EYA1: variants seen among roughly 807,000 people sequenced by gnomAD.
The protein encoded by EYA1 is EYA transcriptional coactivator and phosphatase 1.
In EYA1, 16 loss-of-function variants were observed where a neutral mutation model predicts 82.0. That is an observed-to-expected ratio of 0.20 (90% confidence interval 0.13 to 0.30). EYA1 has a LOEUF of 0.30. EYA1 is among the 10% of genes least tolerant of loss of function. The pLI, the probability that EYA1 is intolerant of heterozygous loss-of-function variation, is 1.00. For missense variants in EYA1, 633 were observed against 730.7 expected, an observed-to-expected ratio of 0.87 and a Z score of 1.54; for synonymous variants, 261 against 264.4, an observed-to-expected ratio of 0.99 and a Z score of 0.12.
At chr8:71,419,585 A>G (rs1407486812) in intron 2 of EYA1, among the ~76,000 whole-genome samples, 2 of 152,164 alleles carry the variant, frequency 1.3e-5, no homozygotes, top group East Asian at 3.8e-4. Context: ...CAGATTAGCT[A>G]TGGGTTCAAA....
chr8:71,240,901 C>T (rs1458182609), intron 12 of EYA1, among the ~76,000 whole-genome samples: 2 of 152,134 alleles, frequency 1.3e-5, no homozygotes, highest in African/African-American at 4.8e-5. Flanking sequence ...ACTCTTTCTC[C>T]AACCAGTCAG....
intron 11 of EYA1, among the ~76,000 whole-genome samples, chr8:71,268,205 G>A (rs1041357638): frequency 4.6e-5 from 7 of 152,126 alleles, no homozygotes; most frequent in South Asian, 2.1e-4. Context: ...GGCCCTTAGC[G>A]AGAGCTTATA....
intron 2 of EYA1, among the ~76,000 whole-genome samples, chr8:71,523,376 C>T (rs1026615157): frequency 1.2e-4 from 19 of 152,028 alleles, no homozygotes; most frequent in African/African-American, 4.3e-4. Context: ...GACGGGGTTT[C>T]ACTGTGTTAG....
chr8:71,245,432 T>C (rs1298146825), intron 11 of EYA1, among the ~76,000 whole-genome samples: 3 of 151,916 alleles, frequency 2.0e-5, no homozygotes, highest in Non-Finnish European at 4.4e-5. Context: ...AGTTTCACCA[T>C]GTTGGCCAGG....
chr8:71,406,785 C>T (rs1253618746), intron 2 of EYA1, among the ~76,000 whole-genome samples: 16 of 147,138 alleles, frequency 1.1e-4, no homozygotes, highest in African/African-American at 4.0e-4. Context: ...AAGGCGGCAG[C>T]GAGGCTGGGG....
rs1337087929 is a variant in EYA1 at position 71,257,922 on chromosome 8, G to A, written c.1050+11818C>T. ...TTTTTTTTTCTGATTCACAATGCTA[G>A]TGTTATCATCTGACATCCTATTACT... On this transcript the variant is annotated intron_variant, in intron 11 of 17. Transcript: ENST00000340726. Among the ~76,000 whole-genome samples, 4 of 152,014 alleles carry A rather than the reference G, an allele frequency of 2.6e-5. No individual in the cohort carries two copies. The East Asian group carries it at 7.8e-4, about 29-fold the overall frequency.
At chr8:71,224,770 C>T (rs1810359032) in intron 12 of EYA1, among the ~76,000 whole-genome samples, 1 of 152,210 alleles carries the variant, frequency 6.6e-6, no homozygotes, top group Non-Finnish European at 1.5e-5. Context: ...GATGGCCTTA[C>T]AGGGTGACCA....
In EYA1 at chr8:71,456,174, C is replaced by A. The variant is rs10093303; in HGVS notation, c.33+79570G>T. ...CATTCACAATTGCTTCAAAGAGAATCAAATACCTAGGAATCCAACTTACAA... is the reference window on the plus strand; with the variant it reads ...CATTCACAATTGCTTCAAAGAGAATAAAATACCTAGGAATCCAACTTACAA... On this transcript the variant is annotated intron_variant, in intron 2 of 18. Transcript: ENST00000643681. 2.3e-3 allele frequency among the ~76,000 whole-genome samples: 346 copies of A among 152,086 alleles called. 3 individuals carry two copies. The highest frequency in any genetic ancestry group is 5.3e-3 in the African/African-American group (222 of 41,506).
chr8:71,312,826 A>T (rs1821497711), intron 7 of EYA1, among the ~76,000 whole-genome samples: 2 of 152,262 alleles, frequency 1.3e-5, no homozygotes, highest in Non-Finnish European at 2.9e-5. Context: ...TATAAAAAGT[A>T]AACAATAAAT....
intron 2 of EYA1, among the ~76,000 whole-genome samples, chr8:71,386,200 C>A (rs995570227): frequency 6.6e-6 from 1 of 152,058 alleles, no homozygotes; most frequent in Non-Finnish European, 1.5e-5. Flanking sequence ...CTAGGGACTC[C>A]ACAAATCTCA....
At chr8:71,485,801 A>C (rs975126333) in intron 2 of EYA1, among the ~76,000 whole-genome samples, 1 of 152,202 alleles carries the variant, frequency 6.6e-6, no homozygotes, top group Non-Finnish European at 1.5e-5. Context: ...TTGACATCCA[A>C]GTCAGGGATT....
chr8:71,453,435 C>T (rs1807570864), intron 2 of EYA1, among the ~76,000 whole-genome samples: 1 of 152,124 alleles, frequency 6.6e-6, no homozygotes, highest in Non-Finnish European at 1.5e-5. Flanking sequence ...CAAAGATACT[C>T]CTTGAGAAGA....
chr8:71,322,242 G>A lies in EYA1; in HGVS notation c.229C>T (p.Arg77Ter), dbSNP rs200164773. The change falls in exon 5 of 18, where the codon CGA (arginine) becomes TGA (stop). Residue 77 changes from arginine to a stop codon, truncating the protein, a stop_gained. Coordinates refer to ENST00000340726, the MANE Select transcript of EYA1 (RefSeq NM_000503.6). LOFTEE classifies it high-confidence loss of function. Reference sequence around the variant, plus strand: ...GGTGGAGAGAACTGGTGAGTTGGTCGTGGGCTGAAACTACTGCTCCCAATT... The same window carrying A: ...GGTGGAGAGAACTGGTGAGTTGGTCATGGGCTGAAACTACTGCTCCCAATT... ...SAIGSSSFSP[R>*]PTHQFSPPQI... 8 of 1,613,866 alleles carry A rather than the reference G, an allele frequency of 5.0e-6. No homozygotes were observed. The highest frequency in any genetic ancestry group is 1.6e-4 in the Middle Eastern group (1 of 6,084).
chr8:71,450,856 A>T (rs976593914), intron 2 of EYA1, among the ~76,000 whole-genome samples: 5 of 152,238 alleles, frequency 3.3e-5, no homozygotes, highest in African/African-American at 1.2e-4. Context: ...CCATAAATGC[A>T]TGGGCTAAAA....
intron 11 of EYA1, among the ~76,000 whole-genome samples, chr8:71,255,150 T>C (rs752873948): frequency 6.6e-6 from 1 of 152,138 alleles, no homozygotes; most frequent in African/African-American, 2.4e-5. Flanking sequence ...ATGAAAGATA[T>C]AGTGTTAAGA....
chr8:71,288,653 C>A (rs1818661110), intron 9 of EYA1, among the ~76,000 whole-genome samples: 2 of 152,162 alleles, frequency 1.3e-5, no homozygotes, highest in South Asian at 4.1e-4. Flanking sequence ...ATGCTACGTT[C>A]TAAATATGTT....
chr8:71,317,953 CCA>C (rs1822114112), intron 6 of EYA1, among the ~76,000 whole-genome samples: 1 of 152,032 alleles, frequency 6.6e-6, no homozygotes, highest in African/African-American at 2.4e-5. Flanking sequence ...AAATGTAACT[CCA>C]GTGATATATT....
intron 2 of EYA1, among the ~76,000 whole-genome samples, chr8:71,396,472 A>G (rs1829623213): frequency 2.0e-5 from 3 of 152,210 alleles, no homozygotes; most frequent in Admixed American, 6.5e-5. Flanking sequence ...AATGTGTCCC[A>G]GAGATTCTGG....
At chr8:71,480,306 G>A (rs1810034754) in intron 2 of EYA1, among the ~76,000 whole-genome samples, 1 of 152,092 alleles carries the variant, frequency 6.6e-6, no homozygotes, top group African/African-American at 2.4e-5. Flanking sequence ...ATTGTAAATG[G>A]GGATGATGTG....
Sources: gnomAD v4.1 joint callset for allele counts (sites outside exome capture counted in the v4.1 genomes callset) on GRCh38, gnomAD v4.1.1 for gene constraint, MANE v1.5 for transcripts, NCBI Gene and HGNC (gene_info 2026-07-23, HGNC 2026-07-21) for gene names.